Variants in PPIL4 observed in about 807,000 individuals in gnomAD.
The protein encoded by PPIL4 is peptidyl-prolyl cis-trans isomerase-like 4.
A neutral mutation model predicts 69.1 loss-of-function variants in PPIL4; 50 were observed. The observed-to-expected ratio is 0.72, with a 90% CI of 0.58 to 0.92. The LOEUF is 0.92. Ranked by LOEUF, PPIL4 falls within the 40% of genes least tolerant of loss-of-function variation. The pLI is 0.00. For synonymous variants in PPIL4, 193 were observed against 191.6 expected, an observed-to-expected ratio of 1.01 and a Z score of -0.06; for missense variants, 480 against 587.9, an observed-to-expected ratio of 0.82 and a Z score of 1.90.
At chr6:149,529,192 C>CG (rs1445043106) in intron 7 of PPIL4, among the ~76,000 whole-genome samples, 1 of 151,496 alleles carries the variant, frequency 6.6e-6, no homozygotes. Flanking sequence ...AGCACCACTG[C>CG]ACTCCAGCCT....
At chr6:149,514,313 G>A (rs1407804507) in intron 11 of PPIL4, among the ~76,000 whole-genome samples, 13 of 152,096 alleles carry the variant, frequency 8.5e-5, no homozygotes, top group Admixed American at 8.5e-4. Context: ...CTCTGCACAT[G>A]CTGCTCCCTC....
intron 1 of PPIL4, among the ~76,000 whole-genome samples, chr6:149,545,583 C>T (rs1777426775): frequency 6.6e-6 from 1 of 152,180 alleles, no homozygotes; most frequent in African/African-American, 2.4e-5. Context: ...TCCTATGTTC[C>T]TCTCACGAGT....
At position 149,523,065 on chromosome 6, in the gene PPIL4, A is replaced by G. The variant is rs963733175; in HGVS notation, c.871-1894T>C. 2.6e-5 allele frequency among the ~76,000 whole-genome samples: 4 copies of G among 152,360 alleles called. No homozygotes were observed. The East Asian group carries it at 7.7e-4, about 29-fold the overall frequency. ...AAAAATAATACAGGAGAATATCCTC[A>G]TGTCTTTGAAGTAGGAAAATATTTT... On this transcript the variant is annotated intron_variant, in intron 9 of 12. Transcript: ENST00000253329.
At chr6:149,508,985 AAAAC>A (rs1182749115) in intron 12 of PPIL4, among the ~76,000 whole-genome samples, 1 of 152,190 alleles carries the variant, frequency 6.6e-6, no homozygotes, top group Non-Finnish European at 1.5e-5. Flanking sequence ...TAAAAAATAA[AAAAC>A]AAAATAATAA....
chr6:149,537,243 T>C (rs1175175715), intron 4 of PPIL4, among the ~76,000 whole-genome samples: 1 of 152,120 alleles, frequency 6.6e-6, no homozygotes, highest in East Asian at 1.9e-4. Flanking sequence ...GAAACAGCCT[T>C]ATATTGGAAG....
At chr6:149,536,267 C>T (rs1056185021) in intron 4 of PPIL4, among the ~76,000 whole-genome samples, 1 of 152,126 alleles carries the variant, frequency 6.6e-6, no homozygotes, top group Non-Finnish European at 1.5e-5. Flanking sequence ...AGACACAATA[C>T]TGAAATGAGG....
At position 149,541,028 on chromosome 6, in the gene PPIL4, CA is replaced by C; in HGVS notation, c.234del (p.Phe78LeufsTer20). ...TTAATTCTTGGGACTTTTTCTGCCTCAAAAAAGCTTGCTTGATCACCATACA... is the reference window on the plus strand; with the variant it reads ...TTAATTCTTGGGACTTTTTCTGCCTCAAAAAGCTTGCTTGATCACCATACA... Reference protein sequence around the residue: ...GQLYGDQASFFEAEKVPRIKH... With the variant: ...GQLYGDQASFXEAEKVPRIKH... On this transcript the variant is annotated frameshift_variant, in exon 4 of 13. Coordinates refer to ENST00000253329, the MANE Select transcript of PPIL4 (RefSeq NM_139126.4). LOFTEE classifies it high-confidence loss of function. 1 of 1,611,812 alleles carries C rather than the reference CA, an allele frequency of 6.2e-7. No homozygotes were observed. The highest frequency in any genetic ancestry group is 8.5e-7 in the Non-Finnish European group (1 of 1,178,526).
chr6:149,510,965 G>A (rs1776833085), intron 12 of PPIL4, among the ~76,000 whole-genome samples: 1 of 152,090 alleles, frequency 6.6e-6, no homozygotes. Context: ...ACTTTTCACA[G>A]AGGATGAAAC....
At position 149,526,689 on chromosome 6, in the gene PPIL4, G is replaced by C; in HGVS notation, c.766C>G (p.Leu256Val). 1.2e-6 allele frequency: 2 copies of C among 1,611,388 alleles called. No individual in the cohort carries two copies. Among genetic ancestry groups the C allele is most frequent in the Non-Finnish European group, 1.7e-6 (2 of 1,178,028 alleles). The change falls in exon 8 of 13, where the codon CTG becomes GTG. Residue 256 changes from leucine (L) to valine (V), a missense_variant. Physicochemically the swap from Leu to Val is conservative, Grantham distance 32. Coordinates refer to ENST00000253329, the MANE Select transcript of PPIL4 (RefSeq NM_139126.4). ...KLNPVTTDED[L>V]EIIFSRFGPI... is the part of the protein sequence containing the mutation. Reference sequence around the variant, plus strand: ...CCAAATCTAGAGAATATTATTTCCAGATCCTCATCTGTGGTCACTGGGTTC... The same window carrying C: ...CCAAATCTAGAGAATATTATTTCCACATCCTCATCTGTGGTCACTGGGTTC...
In PPIL4 at chr6:149,512,215, G is replaced by A; in HGVS notation, c.1167C>T (p.Thr389=). 1.2e-6 allele frequency: 2 copies of A among 1,613,082 alleles called. No individual in the cohort carries two copies. Among genetic ancestry groups the A allele is most frequent in the African/African-American group, 1.3e-5 (1 of 74,948 alleles). ...SHTSKKHKKK[T]HHCSEEKEDE... The stretch of plus-strand genomic sequence containing the variant: ...CTTCTTTCTCTTCAGAACAGTGATG[G>A]GTTTTCTTCTTGTGTTTTTTACTTG... The change falls in exon 12 of 13, where the codon ACC becomes ACT. Residue 389 remains threonine, a synonymous_variant. Transcript: ENST00000253329.
chr6:149,536,068 T>A (rs1777270796), intron 4 of PPIL4, among the ~76,000 whole-genome samples: 1 of 152,256 alleles, frequency 6.6e-6, no homozygotes, highest in Non-Finnish European at 1.5e-5. Context: ...GATTTCAAAC[T>A]TTTTCATTAC....
chr6:149,541,201 TG>T, intron 3 of PPIL4, 142 bp from the exon 4 acceptor site: 1 of 566,434 alleles, frequency 1.8e-6, no homozygotes, highest in Non-Finnish European at 2.8e-6. Flanking sequence ...TTAGGGAACT[TG>T]GGGGAAAAAA....
rs1309645780 is a variant in PPIL4 at position 149,521,187 on chromosome 6, A to G, written c.871-16T>C. 1 of 1,367,820 alleles carries G rather than the reference A, an allele frequency of 7.3e-7. No homozygotes were observed. The highest frequency in any genetic ancestry group is 1.0e-6 in the Non-Finnish European group (1 of 968,548). 84.7% of individuals were successfully genotyped at this position (1,367,820 alleles called of 1,614,324 possible). A position where few individuals can be genotyped will look rare whatever the true frequency, so the allele number is the denominator to read the frequency against. On this transcript the variant is annotated splice_polypyrimidine_tract_variant and intron_variant, in intron 9 of 12. Coordinates refer to ENST00000253329, the MANE Select transcript of PPIL4 (RefSeq NM_139126.4). ...AATCTTCTTCCTGATAATAATTATA[A>G]AAACTCAAGCATAAATCTTTATGGA...
Position 149,504,748 on chromosome 6 carries a change from T to TG in PPIL4, c.*704dup, listed in dbSNP as rs1776741848. The TG allele has an allele frequency of 6.6e-6, 1 of 152,316 alleles. No homozygotes were observed. Among genetic ancestry groups the TG allele is most frequent in the South Asian group, 2.1e-4 (1 of 4,824 alleles). The allele number at this position is 152,316 out of a possible 1,614,324, so 9.4% of individuals were successfully genotyped here. ...GTACAGTCACTTCAGAACACAAATT[T>TG]GGCATTATTTTATCAATATATCAAG... On this transcript the variant is annotated 3_prime_UTR_variant, in exon 13 of 13. Transcript: ENST00000253329.
chr6:149,537,479 G>A (rs1323824377), intron 4 of PPIL4, among the ~76,000 whole-genome samples: 2 of 151,770 alleles, frequency 1.3e-5, no homozygotes, highest in African/African-American at 2.4e-5. Flanking sequence ...AGGCCGAGGC[G>A]GGTGGATCAC....
Position 149,540,756 on chromosome 6 carries a change from G to A in PPIL4, c.321+186C>T, listed in dbSNP as rs193192127. On this transcript the variant is annotated intron_variant, in intron 4 of 12. Coordinates refer to ENST00000253329, the MANE Select transcript of PPIL4 (RefSeq NM_139126.4). The stretch of plus-strand genomic sequence containing the variant: ...TGTATTTTCTCAATTCTTCACAATA[G>A]GAATGCTTTACATTTAAAAGAAGAA... Among the ~76,000 whole-genome samples, 104 of 152,206 alleles carry A rather than the reference G, an allele frequency of 6.8e-4. 1 individual carries two copies. The East Asian group carries it at 0.019, about 27-fold the overall frequency.
At chr6:149,514,695 G>T (rs1302708488) in intron 11 of PPIL4, among the ~76,000 whole-genome samples, 8 of 148,548 alleles carry the variant, frequency 5.4e-5, no homozygotes, top group African/African-American at 2.0e-4. Context: ...GGCCACAACA[G>T]CATTTAAAAA....
intron 12 of PPIL4, among the ~76,000 whole-genome samples, chr6:149,508,293 T>TCAGTATCCCA (rs1776795692): frequency 6.6e-6 from 1 of 152,150 alleles, no homozygotes; most frequent in African/African-American, 2.4e-5. Flanking sequence ...GCCTGTGGGA[T>TCAGTATCCCA]CAGTATCTTC....
chr6:149,515,139 ATTTTTTT>A (rs60680973), intron 11 of PPIL4, among the ~76,000 whole-genome samples: 1 of 138,318 alleles, frequency 7.2e-6, no homozygotes, highest in South Asian at 2.2e-4. Flanking sequence ...CACCCAGCCA[ATTTTTTT>A]TTTTTTTTTA....
Sources: allele counts gnomAD v4.1 joint callset (sites outside exome capture counted in the v4.1 genomes callset), GRCh38; gene constraint gnomAD v4.1.1; transcripts MANE v1.5; gene names NCBI Gene and HGNC (gene_info 2026-07-23, HGNC 2026-07-21).